BTBD7: variants seen among roughly 807,000 people sequenced by gnomAD.
BTBD7 encodes BTB/POZ domain-containing protein 7.
A neutral mutation model predicts 99.9 loss-of-function variants in BTBD7; 38 were observed. That is an observed-to-expected ratio of 0.38 (90% CI 0.29 to 0.50). The LOEUF (loss-of-function observed/expected upper bound fraction) is 0.50. Ranked by LOEUF, BTBD7 falls within the 20% of genes least tolerant of loss-of-function variation. BTBD7 has a pLI of 0.93. For missense variants in BTBD7, 1,170 were observed against 1,394.6 expected (o/e 0.84, Z 2.57); for synonymous variants, 520 against 511.4 (o/e 1.02, Z -0.23).
chr14:93,304,413 G>A (rs563451495), intron 1 of BTBD7, among the ~76,000 whole-genome samples: 14 of 152,186 alleles, frequency 9.2e-5, no homozygotes, highest in African/African-American at 3.1e-4. Flanking sequence ...GTGCAGTGGC[G>A]CAATCTTGGC....
At chr14:93,326,841 C>A (rs2053340206) in intron 1 of BTBD7, among the ~76,000 whole-genome samples, 1 of 151,832 alleles carries the variant, frequency 6.6e-6, no homozygotes. Context: ...TGTTACCTCA[C>A]TTTAATAATG....
chr14:93,316,724 C>T (rs1298332526), intron 1 of BTBD7, among the ~76,000 whole-genome samples: 2 of 152,072 alleles, frequency 1.3e-5, no homozygotes, highest in Non-Finnish European at 2.9e-5. Flanking sequence ...ATAGTAAAAA[C>T]GTTTGCTTGC....
chr14:93,327,135 G>A (rs530575982), intron 1 of BTBD7, among the ~76,000 whole-genome samples: 16 of 152,300 alleles, frequency 1.1e-4, no homozygotes, highest in Admixed American at 2.6e-4. Context: ...CGCTCAGCCC[G>A]CTGTCAAAGT....
Position 93,241,182 on chromosome 14 carries a change from TGCCCAGGTGGGA to T in BTBD7, c.*1079_*1090del, listed in dbSNP as rs2052222682. 1 of 151,944 alleles carries T rather than the reference TGCCCAGGTGGGA, an allele frequency of 6.6e-6. No individual in the cohort carries two copies. Among genetic ancestry groups the T allele is most frequent in the Admixed American group, 6.6e-5 (1 of 15,252 alleles). The allele number at this position is 151,944 out of a possible 1,614,324, so 9.4% of individuals were successfully genotyped here. A position where few individuals can be genotyped will look rare whatever the true frequency, so the allele number is the denominator to read the frequency against. On this transcript the variant is annotated 3_prime_UTR_variant, in exon 11 of 11. Coordinates refer to ENST00000334746, the MANE Select transcript of BTBD7 (RefSeq NM_001002860.4). ...TTTTTTTGAGACAGGGTCTCACTGT[TGCCCAGGTGGGA>T]GCACAGTGGTGCAATCTTGGCTCAC...
chr14:93,267,904 C>G (rs2052558714), intron 3 of BTBD7, among the ~76,000 whole-genome samples: 2 of 151,902 alleles, frequency 1.3e-5, no homozygotes, highest in Admixed American at 1.3e-4. Context: ...TTCTAATCTG[C>G]TCTCTGTACT....
chr14:93,250,617 T>C (rs1166844482), intron 8 of BTBD7, among the ~76,000 whole-genome samples: 1 of 152,226 alleles, frequency 6.6e-6, no homozygotes, highest in African/African-American at 2.4e-5. Context: ...GTGCTGGTTT[T>C]TATTTTGAAT....
chr14:93,318,426 G>A (rs7143773), intron 1 of BTBD7, among the ~76,000 whole-genome samples: 58,637 of 151,994 alleles, frequency 0.39, 12,526 homozygotes, highest in African/African-American at 0.58. Flanking sequence ...TTTTAAGTTA[G>A]ATTTATTTAA....
At chr14:93,311,024 G>C (rs931133093) in intron 1 of BTBD7, among the ~76,000 whole-genome samples, 1 of 152,106 alleles carries the variant, frequency 6.6e-6, no homozygotes, top group Middle Eastern at 3.2e-3. Flanking sequence ...GATGCAGTCT[G>C]TATAGAAAGG....
intron 1 of BTBD7, among the ~76,000 whole-genome samples, chr14:93,321,751 A>C (rs559947289): frequency 1.3e-5 from 2 of 152,290 alleles, no homozygotes; most frequent in Middle Eastern, 6.8e-3. Context: ...AAACTGTATG[A>C]TCTTGGGCAA....
At position 93,261,692 on chromosome 14, in the gene BTBD7, G is replaced by A. The variant is rs752472520; in HGVS notation, c.1372-15C>T. The A allele has an allele frequency of 4.5e-6, 7 of 1,570,898 alleles. No individual in the cohort carries two copies. In the Admixed American group the frequency reaches 1.2e-4, roughly 27 times the overall value. ...TGTTCACTTGCCTATAATAAAAAATGGTTTATATTTATTTTAGTGAAATTA... is the reference window on the plus strand; with the variant it reads ...TGTTCACTTGCCTATAATAAAAAATAGTTTATATTTATTTTAGTGAAATTA... On this transcript the variant is annotated splice_polypyrimidine_tract_variant and intron_variant, in intron 4 of 10. Coordinates refer to ENST00000334746, the MANE Select transcript of BTBD7 (RefSeq NM_001002860.4).
At chr14:93,254,890 A>G (rs1408137311) in intron 6 of BTBD7, among the ~76,000 whole-genome samples, 2 of 152,214 alleles carry the variant, frequency 1.3e-5, no homozygotes, top group Non-Finnish European at 2.9e-5. Flanking sequence ...GCAGAGGTAT[A>G]TATTTCCTAA....
intron 1 of BTBD7, among the ~76,000 whole-genome samples, chr14:93,318,558 G>T (rs962089416): frequency 1.3e-5 from 2 of 152,170 alleles, no homozygotes; most frequent in Non-Finnish European, 2.9e-5. Context: ...CTAGAAGAAT[G>T]AATGAAAAGC....
intron 3 of BTBD7, among the ~76,000 whole-genome samples, chr14:93,276,343 A>G (rs1441367011): frequency 6.6e-6 from 1 of 152,164 alleles, no homozygotes; most frequent in Non-Finnish European, 1.5e-5. Context: ...TTCTGAGACA[A>G]TCTCTGGATT....
rs370862238 is a variant in BTBD7 at position 93,294,726 on chromosome 14, G to A, written c.294C>T (p.Val98=). 3.7e-6 allele frequency: 6 copies of A among 1,613,826 alleles called. No homozygotes were observed. Among genetic ancestry groups the A allele is most frequent in the Non-Finnish European group, 5.1e-6 (6 of 1,180,010 alleles). The part of the protein sequence containing the change: ...ELLSGWDVRD[V]NALVEEYEGT... ...CCTCATATTCCTCCACTAATGCATT[G>A]ACATCTCTAACATCCCACCCAGAGA... Residue 98 remains valine (V), a synonymous_variant, in exon 3 of 11, where the codon GTC becomes GTT. Coordinates refer to ENST00000334746, the MANE Select transcript of BTBD7 (RefSeq NM_001002860.4).
chr14:93,278,139 G>A (rs146713880), intron 3 of BTBD7, among the ~76,000 whole-genome samples: 2,817 of 152,272 alleles, frequency 0.018, 77 homozygotes, highest in African/African-American at 0.064. Context: ...TCAGCCAGGC[G>A]TGGTGGCTCA....
chr14:93,283,118 C>T (rs986455918), intron 3 of BTBD7, among the ~76,000 whole-genome samples: 1 of 152,186 alleles, frequency 6.6e-6, no homozygotes, highest in Non-Finnish European at 1.5e-5. Flanking sequence ...GGCTCTGTCG[C>T]CCAGGTTGGA....
intron 3 of BTBD7, among the ~76,000 whole-genome samples, chr14:93,283,812 A>C (rs2052748517): frequency 6.6e-6 from 1 of 152,192 alleles, no homozygotes; most frequent in African/African-American, 2.4e-5. Context: ...TCGGCCTCTG[A>C]AAGTGCTGGG....
intron 9 of BTBD7, among the ~76,000 whole-genome samples, 164 bp from the exon 10 acceptor site, chr14:93,246,450 C>A (rs2052312676): frequency 1.3e-5 from 2 of 152,186 alleles, no homozygotes; most frequent in Admixed American, 6.5e-5. Flanking sequence ...AAAAAAATCA[C>A]CTTAGTTATA....
chr14:93,325,490 TG>T (rs2053320667), intron 1 of BTBD7, among the ~76,000 whole-genome samples: 1 of 151,996 alleles, frequency 6.6e-6, no homozygotes. Context: ...AGAGGTACAG[TG>T]GGAGAACAAG....
Sources: allele counts gnomAD v4.1 joint callset (sites outside exome capture counted in the v4.1 genomes callset), GRCh38; gene constraint gnomAD v4.1.1; transcripts MANE v1.5; gene names NCBI Gene and HGNC (gene_info 2026-07-23, HGNC 2026-07-21).